NCOA2: variants seen among roughly 807,000 people sequenced by gnomAD.
NCOA2 encodes the protein nuclear receptor coactivator 2.
Under a neutral mutation model 145.1 loss-of-function variants are expected in NCOA2, and 21 were observed. The ratio of observed to expected loss-of-function variants is 0.14; its 90% CI spans 0.10 to 0.21. The LOEUF is 0.21. Among genes scored for constraint, NCOA2 ranks in the 10% least tolerant of loss-of-function variants. NCOA2 has a pLI of 1.00. For missense variants in NCOA2, 1,472 were observed against 1,837.6 expected, an observed-to-expected ratio of 0.80 and a Z score of 3.64; for synonymous variants, 619 against 637.5, an observed-to-expected ratio of 0.97 and a Z score of 0.44.
intron 1 of NCOA2, among the ~76,000 whole-genome samples, chr8:70,387,490 T>G (rs1390166364): frequency 6.6e-6 from 1 of 152,190 alleles, no homozygotes; most frequent in Admixed American, 6.5e-5. Flanking sequence ...CTCTCTTATT[T>G]TAAAGGAAAG....
intron 11 of NCOA2, among the ~76,000 whole-genome samples, chr8:70,152,487 T>C (rs977167942): frequency 6.6e-6 from 1 of 152,238 alleles, no homozygotes; most frequent in Non-Finnish European, 1.5e-5. Context: ...GTTTAAAATA[T>C]GGTTTGCCTT....
intron 2 of NCOA2, among the ~76,000 whole-genome samples, chr8:70,231,188 C>T (rs1485159738): frequency 2.6e-5 from 4 of 152,194 alleles, no homozygotes; most frequent in Admixed American, 1.3e-4. Flanking sequence ...GCAGAGTATG[C>T]GAGTTCCCTT....
the NCOA2 span, among the ~76,000 whole-genome samples, chr8:70,431,493 G>C: frequency 1.3e-5 from 2 of 152,168 alleles, no homozygotes; most frequent in African/African-American, 4.8e-5. Context: ...AAAGGTGTTT[G>C]CTTTTGCTTT....
intron 2 of NCOA2, among the ~76,000 whole-genome samples, chr8:70,252,160 C>G (rs1427279351): frequency 6.6e-6 from 1 of 152,120 alleles, no homozygotes; most frequent in Non-Finnish European, 1.5e-5. Context: ...AACCTGCAAA[C>G]ATGGAGGGCT....
chr8:70,445,061 G>A, the NCOA2 span, among the ~76,000 whole-genome samples: 2 of 152,276 alleles, frequency 1.3e-5, no homozygotes, highest in Admixed American at 6.5e-5. Context: ...TTTAAAATTA[G>A]ATGGCAAAGA....
chr8:70,247,753 G>A (rs139810548), intron 2 of NCOA2, among the ~76,000 whole-genome samples: 9 of 152,276 alleles, frequency 5.9e-5, no homozygotes, highest in African/African-American at 2.2e-4. Context: ...AACTACAACG[G>A]CGCTTTTACA....
intron 1 of NCOA2, among the ~76,000 whole-genome samples, chr8:70,368,594 C>T (rs1810922771): frequency 6.6e-6 from 1 of 152,162 alleles, no homozygotes; most frequent in Non-Finnish European, 1.5e-5. Flanking sequence ...CTTTATTTTT[C>T]TTATAAAACA....
At chr8:70,265,260 A>G (rs1487622746) in intron 2 of NCOA2, among the ~76,000 whole-genome samples, 2 of 152,140 alleles carry the variant, frequency 1.3e-5, no homozygotes, top group Non-Finnish European at 2.9e-5. Context: ...TCTCCCTGCC[A>G]TGTGAGGATG....
intron 2 of NCOA2, among the ~76,000 whole-genome samples, chr8:70,288,818 C>T (rs1254389935): frequency 1.3e-5 from 2 of 152,118 alleles, no homozygotes; most frequent in Non-Finnish European, 2.9e-5. Context: ...CGCACAAGTG[C>T]AAATAGTTTA....
chr8:70,201,826 T>C lies in NCOA2; in HGVS notation c.259+12077A>G, dbSNP rs116219576. On this transcript the variant is annotated intron_variant, in intron 4 of 22. Transcript: ENST00000452400. ...AGGGGGACATGAGAAACGACTGAAA[T>C]GAGGCAAAATGTCCAGAAAGGAGAT... Among the ~76,000 whole-genome samples the C allele has an allele frequency of 2.3e-3, 351 of 152,264 alleles. 3 individuals carry two copies. The highest frequency in any genetic ancestry group is 8.0e-3 in the African/African-American group (333 of 41,566).
At chr8:70,374,838 G>A (rs150147046) in intron 1 of NCOA2, among the ~76,000 whole-genome samples, 43 of 149,964 alleles carry the variant, frequency 2.9e-4, no homozygotes, top group Non-Finnish European at 3.7e-4. Flanking sequence ...CATATATGCC[G>A]ATACGTTAAA....
At chr8:70,120,012 G>A (rs1266250201) in intron 22 of NCOA2, among the ~76,000 whole-genome samples, 1 of 152,070 alleles carries the variant, frequency 6.6e-6, no homozygotes, top group Non-Finnish European at 1.5e-5. Context: ...TGGGACTACA[G>A]GCACGTGCCA....
chr8:70,184,870 G>C (rs531348360), intron 4 of NCOA2, among the ~76,000 whole-genome samples: 11 of 152,280 alleles, frequency 7.2e-5, no homozygotes, highest in African/African-American at 2.4e-4. Flanking sequence ...GCTTCGAAAG[G>C]ACTGAAAACC....
At chr8:70,134,490 G>A (rs1436842432) in intron 15 of NCOA2, among the ~76,000 whole-genome samples, 1 of 152,168 alleles carries the variant, frequency 6.6e-6, no homozygotes, top group Non-Finnish European at 1.5e-5. Context: ...TTCTTTGGAA[G>A]CTGCATTCAT....
At chr8:70,304,574 C>G (rs1350667916) in intron 1 of NCOA2, among the ~76,000 whole-genome samples, 3 of 151,856 alleles carry the variant, frequency 2.0e-5, no homozygotes, top group African/African-American at 7.3e-5. Context: ...TCAAGCAATT[C>G]TCTGCTTCAG....
At chr8:70,282,117 T>C (rs1825930780) in intron 2 of NCOA2, among the ~76,000 whole-genome samples, 1 of 152,314 alleles carries the variant, frequency 6.6e-6, no homozygotes, top group South Asian at 2.1e-4. Flanking sequence ...TGTGTACATA[T>C]ATATGCTGAT....
rs752484849 is a variant in NCOA2 at position 70,128,449 on chromosome 8, G to C, written c.3665C>G (p.Pro1222Arg). The C allele has an allele frequency of 6.2e-7, 1 of 1,612,532 alleles. No individual in the cohort carries two copies. The highest frequency in any genetic ancestry group is 8.5e-7 in the Non-Finnish European group (1 of 1,179,374). ...NVSNVNLTLRPGVPTQAPINA... is the reference protein window; with the variant it reads ...NVSNVNLTLRRGVPTQAPINA... ...TTGCCTTACCTGTGTTGGTACTCCA[G>C]GCCTCAGAGTCAAGTTCACATTGGA... is the stretch of plus-strand genomic sequence containing the variant. The change falls in exon 18 of 23, where the codon CCT becomes CGT. Residue 1222 changes from proline to arginine, a missense_variant. This residue lies in a region of NCOA2 where 953 missense variants were observed against 1,062.1 expected (regional missense o/e 0.90). Coordinates refer to ENST00000452400, the MANE Select transcript of NCOA2 (RefSeq NM_006540.4).
At chr8:70,426,097 T>C in the NCOA2 span, among the ~76,000 whole-genome samples, 1 of 152,228 alleles carries the variant, frequency 6.6e-6, no homozygotes, top group African/African-American at 2.4e-5. Context: ...CTTCTCTTCA[T>C]AGTGGGGTAA....
chr8:70,267,446 C>T (rs1045605715), intron 2 of NCOA2, among the ~76,000 whole-genome samples: 12 of 143,712 alleles, frequency 8.4e-5, no homozygotes, highest in East Asian at 4.1e-4. Context: ...GTCACCCAGG[C>T]GGAGTACAGT....
Sources: allele counts gnomAD v4.1 joint callset (sites outside exome capture counted in the v4.1 genomes callset), GRCh38; gene constraint gnomAD v4.1.1; regional missense constraint gnomAD v4.1.1; transcripts MANE v1.5; gene names NCBI Gene and HGNC (gene_info 2026-07-23, HGNC 2026-07-21).